HPGD: variants seen among roughly 807,000 people sequenced by gnomAD.
HPGD encodes the protein 15-hydroxyprostaglandin dehydrogenase.
Under a neutral mutation model 30.0 loss-of-function variants are expected in HPGD, and 29 were observed. That is an observed-to-expected ratio of 0.97 (90% CI 0.72 to 1.32). The LOEUF (loss-of-function observed/expected upper bound fraction) is 1.32, where lower values mean the gene tolerates loss of function less well. Among genes scored for constraint, HPGD ranks in the 40% most tolerant of loss-of-function variants. The probability of loss-of-function intolerance (pLI) is 0.00; values close to 1 mark genes in which losing one functional copy is unlikely to be tolerated. For synonymous variants in HPGD, 99 were observed against 112.4 expected (o/e 0.88, Z 0.75); for missense variants, 340 against 322.1 (o/e 1.06, Z -0.43).
chr4:174,502,358 G>A (rs556523953), intron 4 of HPGD, among the ~76,000 whole-genome samples: 1 of 152,194 alleles, frequency 6.6e-6, no homozygotes, highest in African/African-American at 2.4e-5. Flanking sequence ...ATTAAGTTAT[G>A]CTTTAGAGTG....
At chr4:174,498,215 T>C (rs2110790470) in intron 4 of HPGD, among the ~76,000 whole-genome samples, 1 of 152,330 alleles carries the variant, frequency 6.6e-6, no homozygotes, top group South Asian at 2.1e-4. Context: ...CCCAAAGTGC[T>C]GGGATTACAG....
chr4:174,502,142 A>G (rs933135478), intron 4 of HPGD, among the ~76,000 whole-genome samples: 1 of 152,208 alleles, frequency 6.6e-6, no homozygotes, highest in African/African-American at 2.4e-5. Context: ...TACAACCAAC[A>G]ACAACAAAAA....
chr4:174,492,623 C>T lies in HPGD; in HGVS notation c.662+528G>A, dbSNP rs1455118886. 1.3e-5 allele frequency among the ~76,000 whole-genome samples: 2 copies of T among 151,966 alleles called. No homozygotes were observed. Among genetic ancestry groups the T allele is most frequent in the East Asian group, 3.8e-4 (2 of 5,198 alleles). ...TTTATATGTGAGAAAATTGAAGCAT[C>T]TAGAGGTATGATGGGTAAGTTCATG... On this transcript the variant is annotated intron_variant, in intron 6 of 6. Transcript: ENST00000296522. This position sits in a 1 kb window ranked among gnomAD's most constrained non-coding sequence, Gnocchi z 4.9.
chr4:174,517,903 C>CT (rs1735872661), intron 3 of HPGD, 68 bp downstream of exon 3: 3 of 864,488 alleles, frequency 3.5e-6, no homozygotes, highest in Admixed American at 2.1e-5. Context: ...CTCCAAGAAC[C>CT]TTTTTTTCTT....
At chr4:174,500,374 C>A (rs775400610) in intron 4 of HPGD, among the ~76,000 whole-genome samples, 11 of 152,146 alleles carry the variant, frequency 7.2e-5, no homozygotes, top group Non-Finnish European at 1.5e-4. Flanking sequence ...AGTAAACATG[C>A]AATACAATCC....
At position 174,494,524 on chromosome 4, in the gene HPGD, G is replaced by T. The variant is rs1734489013; in HGVS notation, c.498+1024C>A. Among the ~76,000 whole-genome samples the T allele has an allele frequency of 6.6e-6, 1 of 152,146 alleles. No homozygotes were observed. Among genetic ancestry groups the T allele is most frequent in the Non-Finnish European group, 1.5e-5 (1 of 68,024 alleles). ...AGAGAGCTTTATGTGTTTATAAGAA[G>T]TCTGTCTGAAGATTATGTCTTTGCA... On this transcript the variant is annotated intron_variant, in intron 5 of 6. Transcript: ENST00000296522. The surrounding 1 kb of genome is among the most constrained non-coding windows in gnomAD (Gnocchi z 4.9).
chr4:174,512,375 T>C (rs956847549), intron 3 of HPGD, among the ~76,000 whole-genome samples: 1 of 152,190 alleles, frequency 6.6e-6, no homozygotes, highest in Non-Finnish European at 1.5e-5. Flanking sequence ...ATTAAAAAAC[T>C]GGTAAGCCCT....
chr4:174,490,357 A>G lies in HPGD; in HGVS notation c.*1599T>C, dbSNP rs1734284470. 6.6e-6 allele frequency: 1 copy of G among 152,322 alleles called. No individual in the cohort carries two copies. Among genetic ancestry groups the G allele is most frequent in the Non-Finnish European group, 1.5e-5 (1 of 68,018 alleles). The allele number at this position is 152,322 out of a possible 1,614,324, so 9.4% of individuals were successfully genotyped here. On this transcript the variant is annotated 3_prime_UTR_variant, in exon 7 of 7. Coordinates refer to ENST00000296522, the MANE Select transcript of HPGD (RefSeq NM_000860.6). The surrounding 1 kb of genome is among the most constrained non-coding windows in gnomAD (Gnocchi z 4.4). ...TTGATTTTAAATGTCTACATAATTT[A>G]TTGATTTGAAAAAATTAATTCAAAG... is the stretch of plus-strand genomic sequence containing the variant.
At chr4:174,503,065 G>A (rs1043235365) in intron 4 of HPGD, among the ~76,000 whole-genome samples, 1 of 152,174 alleles carries the variant, frequency 6.6e-6, no homozygotes, top group African/African-American at 2.4e-5. Flanking sequence ...TCATTCCTAT[G>A]TTAAGAAACC....
Position 174,491,895 on chromosome 4 carries a change from G to C in HPGD, c.*61C>G. 7.3e-7 allele frequency: 1 copy of C among 1,373,138 alleles called. No individual in the cohort carries two copies. Among genetic ancestry groups the C allele is most frequent in the Non-Finnish European group, 1.0e-6 (1 of 962,810 alleles). The allele number at this position is 1,373,138 out of a possible 1,614,324, so 85.1% of individuals were successfully genotyped here. On this transcript the variant is annotated 3_prime_UTR_variant, in exon 7 of 7. Transcript: ENST00000296522. ...CATTTAAAAGCTATATTCAAATGAA[G>C]ATAGGATCTGAATATAAGCTATTTG...
chr4:174,495,246 T>C (rs1734533378), intron 5 of HPGD: 2 of 383,530 alleles, frequency 5.2e-6, no homozygotes, highest in East Asian at 1.2e-4. Flanking sequence ...TCAGAAAAGC[T>C]GAAGTTAATA....
At chr4:174,516,933 C>T (rs2110867786) in intron 3 of HPGD, among the ~76,000 whole-genome samples, 1 of 152,170 alleles carries the variant, frequency 6.6e-6, no homozygotes, top group South Asian at 2.1e-4. Context: ...AAAACACAAC[C>T]CAGTTCTTGT....
intron 2 of HPGD, 99 bp downstream of exon 2, chr4:174,521,845 C>G: frequency 7.1e-7 from 1 of 1,400,930 alleles, no homozygotes; most frequent in South Asian, 1.2e-5. Flanking sequence ...CTCGAGGAGG[C>G]AGCGGAGGCG....
In HPGD at chr4:174,512,800, A is replaced by G. The variant is rs567449998; in HGVS notation, c.325-4008T>C. Among the ~76,000 whole-genome samples, 26 of 152,336 alleles carry G rather than the reference A, an allele frequency of 1.7e-4. 1 individual carries two copies. The South Asian group carries it at 3.9e-3, about 23-fold the overall frequency. ...GGCCTATGTCAGCAGAGTCCCAAGA[A>G]AAATAAAGGCTGGATAAATTTCAAT... On this transcript the variant is annotated intron_variant, in intron 3 of 6. Transcript: ENST00000296522.
intron 4 of HPGD, chr4:174,506,912 T>C (rs1025308016): frequency 2.0e-5 from 3 of 152,228 alleles, no homozygotes; most frequent in African/African-American, 7.2e-5. Context: ...CCTTGTAGAA[T>C]ATTCATGGTA....
In HPGD at chr4:174,491,667, T is replaced by C. The variant is rs1734350084; in HGVS notation, c.*289A>G. 2.8e-6 allele frequency: 1 copy of C among 359,942 alleles called. No homozygotes were observed. The highest frequency in any genetic ancestry group is 2.1e-5 in the African/African-American group (1 of 48,500). 22.3% of individuals were successfully genotyped at this position (359,942 alleles called of 1,614,324 possible). A position where few individuals can be genotyped will look rare whatever the true frequency, so the allele number is the denominator to read the frequency against. On this transcript the variant is annotated 3_prime_UTR_variant, in exon 7 of 7. Transcript: ENST00000296522. ...AATATTTATGAAGCACAGATATAAA[T>C]ACACTTTCTGAAAGGCAGAATATTG... is the stretch of plus-strand genomic sequence containing the variant.
intron 5 of HPGD, among the ~76,000 whole-genome samples, chr4:174,495,127 C>G (rs1172296285): frequency 6.6e-6 from 1 of 152,222 alleles, no homozygotes; most frequent in Non-Finnish European, 1.5e-5. Context: ...CTTGACCACT[C>G]TATCAAGTAA....
intron 3 of HPGD, among the ~76,000 whole-genome samples, chr4:174,511,748 G>A (rs1735509857): frequency 6.6e-6 from 1 of 152,142 alleles, no homozygotes; most frequent in Non-Finnish European, 1.5e-5. Flanking sequence ...CCGGGTTCAC[G>A]CCATTCGCCT....
At chr4:174,495,492 T>C in intron 5 of HPGD, 56 bp downstream of exon 5, 1 of 1,297,028 alleles carries the variant, frequency 7.7e-7, no homozygotes, top group South Asian at 1.2e-5. Flanking sequence ...ACAGAATTCA[T>C]GTTTTATAAA....
Sources: gnomAD v4.1 joint callset for allele counts (sites outside exome capture counted in the v4.1 genomes callset) on GRCh38, gnomAD v4.1.1 for gene constraint, Gnocchi (gnomAD v3.1) non-coding constraint, MANE v1.5 for transcripts, NCBI Gene and HGNC (gene_info 2026-07-23, HGNC 2026-07-21) for gene names.